The following ZFR2 variants were observed in gnomAD, a reference collection of about 807,000 sequenced individuals.
ZFR2 encodes zinc finger RNA binding protein 2.
ZFR2 carries 104 observed loss-of-function variants against 105.7 expected under a neutral mutation model. The observed-to-expected ratio is 0.98, with a 90% CI of 0.84 to 1.16. The LOEUF (loss-of-function observed/expected upper bound fraction) is 1.16. Among genes scored for constraint, ZFR2 ranks in the 50% most tolerant of loss-of-function variants. The pLI, the probability that ZFR2 is intolerant of heterozygous loss-of-function variation, is 0.00. For missense variants in ZFR2, 1,425 were observed against 1,355.5 expected, an observed-to-expected ratio of 1.05 and a Z score of -0.80; for synonymous variants, 634 against 597.7, an observed-to-expected ratio of 1.06 and a Z score of -0.89.
intron 6 of ZFR2, 103 bp downstream of exon 6, chr19:3,827,368 T>C: frequency 7.4e-7 from 1 of 1,359,886 alleles, no homozygotes; most frequent in Non-Finnish European, 9.5e-7. Flanking sequence ...GGGAGGCTTC[T>C]CCCAGCTCCC....
chr19:3,834,678 TG>T lies in ZFR2; in HGVS notation c.264+94del. 7.6e-7 allele frequency: 1 copy of T among 1,308,488 alleles called. No homozygotes were observed. Among genetic ancestry groups the T allele is most frequent in the Non-Finnish European group, 1.1e-6 (1 of 933,132 alleles). The allele number at this position is 1,308,488 out of a possible 1,614,324, so 81.1% of individuals were successfully genotyped here. A position where few individuals can be genotyped will look rare whatever the true frequency, so the allele number is the denominator to read the frequency against. On this transcript the variant is annotated intron_variant, in intron 2 of 18. Transcript: ENST00000262961. The surrounding 1 kb of genome is among the most constrained non-coding windows in gnomAD (Gnocchi z 5.3). The stretch of plus-strand genomic sequence containing the variant: ...AAGGAAGGATCACGGTTAAGAGGCC[TG>T]GGAGAAGGAGTAGCTGTGGGAAGCC...
In ZFR2 at chr19:3,810,812, C is replaced by T. The variant is rs765883671; in HGVS notation, c.2371G>A (p.Val791Ile). ...RASGLQPCVI[V>I]IRVLRDLCRR... ...CAGAGGTCCCTCAGGACCCTGATGA[C>T]GATCACGCATGGCTGCAGGCCGCTG... The change falls in exon 16 of 19, where the codon GTC becomes ATC. Residue 791 changes from valine (V) to isoleucine (I), a missense_variant. Val to Ile is a conservative substitution (Grantham distance 29). Coordinates refer to ENST00000262961, the MANE Select transcript of ZFR2 (RefSeq NM_015174.2). The T allele has an allele frequency of 1.6e-5, 25 of 1,550,290 alleles. No homozygotes were observed. Among genetic ancestry groups the T allele is most frequent in the African/African-American group, 6.8e-5 (5 of 73,062 alleles).
intron 1 of ZFR2, among the ~76,000 whole-genome samples, chr19:3,843,128 C>A (rs1319613289): frequency 6.6e-6 from 1 of 152,232 alleles, no homozygotes. Context: ...ATGTTCACAG[C>A]AGCACTGTTC....
At chr19:3,820,800 G>T (rs1487128907) in intron 10 of ZFR2, among the ~76,000 whole-genome samples, 7 of 149,616 alleles carry the variant, frequency 4.7e-5, no homozygotes, top group African/African-American at 1.2e-4. Flanking sequence ...GGGACTCCAG[G>T]GGTCAGGGGT....
At position 3,852,444 on chromosome 19, in the gene ZFR2, C is replaced by A. The variant is rs1475031624; in HGVS notation, c.53+16521G>T. The stretch of plus-strand genomic sequence containing the variant: ...TATATCTCCTCCTCCAGCAGGCCAG[C>A]CTTGGGTCCTTCACCAGGCAGGGTC... On this transcript the variant is annotated intron_variant, in intron 1 of 18. Coordinates refer to ENST00000262961, the MANE Select transcript of ZFR2 (RefSeq NM_015174.2). The A allele has an allele frequency of 4.2e-6, 3 of 717,988 alleles. No homozygotes were observed. The Admixed American group carries it at 6.0e-5, about 14-fold the overall frequency. 44.5% of individuals were successfully genotyped at this position (717,988 alleles called of 1,614,324 possible). A position where few individuals can be genotyped will look rare whatever the true frequency, so the allele number is the denominator to read the frequency against.
At chr19:3,833,853 G>C in intron 2 of ZFR2, 75 bp from the exon 3 acceptor site, 3 of 1,117,464 alleles carry the variant, frequency 2.7e-6, no homozygotes, top group South Asian at 2.8e-5. Flanking sequence ...GACGCGCCCT[G>C]CCACACTGCA....
chr19:3,820,295 A>G lies in ZFR2; in HGVS notation c.1632-5T>C, dbSNP rs2301844. On this transcript the variant is annotated splice_polypyrimidine_tract_variant and splice_region_variant and intron_variant, in intron 10 of 18. Transcript: ENST00000262961. ...GGTGGCTCCTCCTCCAGCCGCCTGC[A>G]GGACCGAGACGTGACAGAGCATGGT... The G allele has an allele frequency of 0.56, 860,837 of 1,540,642 alleles. 243,881 individuals carry two copies. Among genetic ancestry groups the G allele is most frequent in the East Asian group, 0.82 (33,400 of 40,702 alleles).
rs765439416 is a variant in ZFR2 at position 3,833,763 on chromosome 19, C to T, written c.280G>A (p.Gly94Arg). Residue 94 changes from glycine to arginine, a missense_variant, in exon 3 of 19, where the codon GGA becomes AGA. By Grantham distance (125) the Gly-to-Arg change is moderately radical. Transcript: ENST00000262961. ...TAGCTCCTGGCAGCTGCTGACTGTC[C>T]GTAGCTGTAACTGTCCTATGTGGGG... Reference protein sequence around the residue: ...MATYQDSYSYGQSAAARSYED... With the variant: ...MATYQDSYSYRQSAAARSYED... The T allele has an allele frequency of 3.7e-5, 58 of 1,576,494 alleles. No individual in the cohort carries two copies. The highest frequency in any genetic ancestry group is 6.7e-5 in the African/African-American group (5 of 74,118).
chr19:3,861,031 G>T (rs1314475672), intron 1 of ZFR2, among the ~76,000 whole-genome samples: 2 of 152,142 alleles, frequency 1.3e-5, no homozygotes, highest in Non-Finnish European at 2.9e-5. Context: ...AGGGCCTGGG[G>T]ACATTACAGG....
At chr19:3,835,407 C>G (rs527965862) in intron 1 of ZFR2, among the ~76,000 whole-genome samples, 1 of 152,046 alleles carries the variant, frequency 6.6e-6, no homozygotes, top group South Asian at 2.1e-4. Context: ...CTCACTGCAA[C>G]CTCCGCCTCC....
In ZFR2 at chr19:3,823,535, CA is replaced by C; in HGVS notation, c.1214-133del. On this transcript the variant is annotated intron_variant, in intron 7 of 18. Coordinates refer to ENST00000262961, the MANE Select transcript of ZFR2 (RefSeq NM_015174.2). The surrounding 1 kb of genome is among the most constrained non-coding windows in gnomAD (Gnocchi z 5.4). ...GCCATCCCCCTCCCTCCTGTGATGTCAGGGGGAATGGCCCCGGACAGCAACC... is the reference window on the plus strand; with the variant it reads ...GCCATCCCCCTCCCTCCTGTGATGTCGGGGGAATGGCCCCGGACAGCAACC... 3.2e-6 allele frequency: 3 copies of C among 942,558 alleles called. No homozygotes were observed. The highest frequency in any genetic ancestry group is 1.7e-5 in the African/African-American group (1 of 60,214). The allele number at this position is 942,558 out of a possible 1,614,324, so 58.4% of individuals were successfully genotyped here.
rs1054343156 is a variant in ZFR2 at position 3,833,859 on chromosome 19, C to T, written c.265-81G>A. 2.9e-6 allele frequency: 3 copies of T among 1,018,334 alleles called. No homozygotes were observed. In the African/African-American group the frequency reaches 4.8e-5, roughly 16 times the overall value. The allele number at this position is 1,018,334 out of a possible 1,614,324, so 63.1% of individuals were successfully genotyped here. A position where few individuals can be genotyped will look rare whatever the true frequency, so the allele number is the denominator to read the frequency against. On this transcript the variant is annotated intron_variant, in intron 2 of 18. Coordinates refer to ENST00000262961, the MANE Select transcript of ZFR2 (RefSeq NM_015174.2). ...GGTGGGTGCGACGCGCCCTGCCACA[C>T]TGCACTCTGCACTTAGTCCTTCCTG...
At chr19:3,820,420 T>C (rs2037877663) in intron 10 of ZFR2, 130 bp from the exon 11 acceptor site, 5 of 848,270 alleles carry the variant, frequency 5.9e-6, no homozygotes, top group East Asian at 5.5e-5. Flanking sequence ...GGGGCTCCAC[T>C]GCACTGCATG....
At chr19:3,851,752 G>A (rs1283096840) in intron 1 of ZFR2, 2 of 152,576 alleles carry the variant, frequency 1.3e-5, no homozygotes, top group African/African-American at 4.8e-5. Flanking sequence ...ACTGGAAAAA[G>A]TTAAAAGGGT....
At chr19:3,841,164 C>G (rs920639530) in intron 1 of ZFR2, among the ~76,000 whole-genome samples, 14 of 152,226 alleles carry the variant, frequency 9.2e-5, no homozygotes, top group African/African-American at 1.4e-4. Flanking sequence ...CTCCCAGCTA[C>G]AGAGAGAGCT....
chr19:3,863,446 G>A (rs1167406367), intron 1 of ZFR2, among the ~76,000 whole-genome samples: 1 of 151,946 alleles, frequency 6.6e-6, no homozygotes, highest in Admixed American at 6.6e-5. Flanking sequence ...ATTGTTTTTT[G>A]AGACAGGGTC....
At position 3,821,346 on chromosome 19, in the gene ZFR2, T is replaced by G; in HGVS notation, c.1625A>C (p.Glu542Ala). 6.3e-7 allele frequency: 1 copy of G among 1,593,948 alleles called. No individual in the cohort carries two copies. The highest frequency in any genetic ancestry group is 8.5e-7 in the Non-Finnish European group (1 of 1,172,410). Residue 542 changes from glutamate (E) to alanine (A), a missense_variant, in exon 10 of 19, where the codon GAG becomes GCG. Coordinates refer to ENST00000262961, the MANE Select transcript of ZFR2 (RefSeq NM_015174.2). ...RLEQLRRWHA[E>A]RRRLEEEPPQ... ...AAGACCCGCAGCCGGGCACCTCCTC[T>G]CCGCGTGCCAGCGCCGCAGCTGCTC...
chr19:3,835,584 C>T (rs1462300971), intron 1 of ZFR2, among the ~76,000 whole-genome samples: 6 of 150,640 alleles, frequency 4.0e-5, no homozygotes, highest in Admixed American at 2.0e-4. Context: ...CTGGCCGCCT[C>T]GGCCTCCCAA....
chr19:3,807,726 G>T lies in ZFR2; in HGVS notation c.2546-457C>A, dbSNP rs547695299. On this transcript the variant is annotated intron_variant, in intron 17 of 18. Transcript: ENST00000262961. ...GTGTCCATGCATGCACGGTGTGCCC[G>T]TGTGTGTGTGCATGTGTGCCTGTGC... is the stretch of plus-strand genomic sequence containing the variant. Among the ~76,000 whole-genome samples the T allele has an allele frequency of 4.5e-5, 5 of 111,484 alleles. No homozygotes were observed. In the Admixed American group the frequency reaches 5.0e-4, roughly 11 times the overall value. 73.1% of individuals were successfully genotyped at this position (111,484 alleles called of 152,430 possible).
Sources: allele counts gnomAD v4.1 joint callset (sites outside exome capture counted in the v4.1 genomes callset), GRCh38; gene constraint gnomAD v4.1.1; non-coding constraint Gnocchi (gnomAD v3.1); transcripts MANE v1.5; gene names NCBI Gene and HGNC (gene_info 2026-07-23, HGNC 2026-07-21).